Variants in UACA observed in about 807,000 individuals in gnomAD.
The protein encoded by UACA is uveal autoantigen with coiled-coil domains and ankyrin repeats.
Under a neutral mutation model 160.5 loss-of-function variants are expected in UACA, and 112 were observed. That is an observed-to-expected ratio of 0.70 (90% CI 0.60 to 0.82). UACA has a LOEUF of 0.82. Among genes scored for constraint, UACA ranks in the 40% least tolerant of loss-of-function variants. The probability of loss-of-function intolerance (pLI) is 0.00; values close to 1 mark genes in which losing one functional copy is unlikely to be tolerated. For synonymous variants in UACA, 557 were observed against 568.4 expected (o/e 0.98, Z 0.29); for missense variants, 1,574 against 1,614.6 (o/e 0.97, Z 0.43).
At chr15:70,772,492 C>CAAAAAAA in the UACA span, among the ~76,000 whole-genome samples, 5 of 49,562 alleles carry the variant, frequency 1.0e-4, no homozygotes, top group Admixed American at 2.4e-4. Context: ...GCCTCCATCT[C>CAAAAAAA]AAAAAAAAAA....
intron 5 of UACA, 33 bp from the exon 6 acceptor site, chr15:70,687,853 A>T: frequency 6.2e-7 from 1 of 1,602,054 alleles, no homozygotes; most frequent in Non-Finnish European, 8.5e-7. Flanking sequence ...ATAAATGGTG[A>T]ACATCTGTTG....
rs752630677 is a variant in UACA, at chr15:70,678,119, AAC to A, written c.977_978del (p.Gly326ValfsTer7). On this transcript the variant is annotated frameshift_variant, in exon 11 of 19. Transcript: ENST00000322954. LOFTEE classifies it high-confidence loss of function. ...EQRILLDKVN[G>X]LQLQLNEEVM... ...TTTACCTCATTCAGCTGTAACTGTA[AAC>A]CATTGACTTTATCCAAAAGTATTCT... The A allele has an allele frequency of 1.2e-6, 2 of 1,605,076 alleles. No homozygotes were observed. Among genetic ancestry groups the A allele is most frequent in the South Asian group, 2.2e-5 (2 of 89,312 alleles).
At chr15:70,721,675 C>A (rs1181715782) in intron 1 of UACA, among the ~76,000 whole-genome samples, 2 of 151,454 alleles carry the variant, frequency 1.3e-5, no homozygotes, top group Non-Finnish European at 2.9e-5. Flanking sequence ...CTTTTATTAA[C>A]CCAGCGCTTT....
At chr15:70,669,697 T>C (rs895722722) in intron 15 of UACA, among the ~76,000 whole-genome samples, 1 of 152,214 alleles carries the variant, frequency 6.6e-6, no homozygotes, top group African/African-American at 2.4e-5. Context: ...CGTAAGTCTA[T>C]TTCTGGCAGA....
At chr15:70,694,983 T>C in intron 3 of UACA, 34 bp downstream of exon 3, 1 of 1,521,928 alleles carries the variant, frequency 6.6e-7, no homozygotes, top group Non-Finnish European at 9.0e-7. Context: ...GTTTTCACTT[T>C]ATGTTTTATA....
chr15:70,671,848 T>C, intron 14 of UACA, 117 bp downstream of exon 14: 1 of 744,158 alleles, frequency 1.3e-6, no homozygotes, highest in East Asian at 3.1e-5. Context: ...GCTGATGAAG[T>C]TTAGCAGCAG....
At chr15:70,763,183 C>T in intron 1 of UACA, 147 bp downstream of exon 1, 1 of 888,656 alleles carries the variant, frequency 1.1e-6, no homozygotes, top group Non-Finnish European at 1.5e-6. Flanking sequence ...CTGACGGAGT[C>T]TCCGGCCTCA....
the UACA span, among the ~76,000 whole-genome samples, chr15:70,772,758 G>A: frequency 1.3e-5 from 2 of 152,158 alleles, no homozygotes; most frequent in East Asian, 1.9e-4. Flanking sequence ...GGAAGAAGAG[G>A]GCCAAGGGCC....
At chr15:70,749,144 CG>C (rs1566999216) in intron 1 of UACA, 1 of 390,444 alleles carries the variant, frequency 2.6e-6, no homozygotes, top group South Asian at 1.9e-5. Flanking sequence ...TGTTAACTTT[CG>C]GATCTAAGTA....
At chr15:70,709,297 C>G (rs913353127) in intron 1 of UACA, among the ~76,000 whole-genome samples, 4 of 152,182 alleles carry the variant, frequency 2.6e-5, no homozygotes, top group African/African-American at 9.6e-5. Context: ...ATTCAGAAAG[C>G]AGCAAGCCAA....
chr15:70,693,950 T>G (rs1274165978), intron 3 of UACA, among the ~76,000 whole-genome samples: 1 of 152,192 alleles, frequency 6.6e-6, no homozygotes, highest in Non-Finnish European at 1.5e-5. Context: ...TAGAATCTGA[T>G]GTATTCTTAA....
chr15:70,666,307 A>T (rs963813581), intron 16 of UACA, among the ~76,000 whole-genome samples: 1 of 152,134 alleles, frequency 6.6e-6, no homozygotes, highest in Admixed American at 6.5e-5. Context: ...ACATAAAATG[A>T]ATTGGAGGGC....
At chr15:70,769,196 A>C in the UACA span, among the ~76,000 whole-genome samples, 1 of 151,966 alleles carries the variant, frequency 6.6e-6, no homozygotes, top group Non-Finnish European at 1.5e-5. Context: ...ATCTCTACTA[A>C]AAATACAAAA....
intron 2 of UACA, among the ~76,000 whole-genome samples, chr15:70,697,723 A>G (rs1898180375): frequency 6.6e-6 from 1 of 152,220 alleles, no homozygotes; most frequent in Non-Finnish European, 1.5e-5. Flanking sequence ...TGAGTAAAAA[A>G]AGGGAAATAC....
intron 1 of UACA, among the ~76,000 whole-genome samples, chr15:70,736,791 A>G (rs1303114129): frequency 1.3e-5 from 2 of 152,166 alleles, no homozygotes; most frequent in Non-Finnish European, 2.9e-5. Flanking sequence ...TGGAACTTAA[A>G]GTTCAACAAA....
chr15:70,740,368 C>T (rs2141001598), intron 1 of UACA, among the ~76,000 whole-genome samples: 1 of 151,872 alleles, frequency 6.6e-6, no homozygotes, highest in African/African-American at 2.4e-5. Context: ...AATCCCAGAA[C>T]TTTGGGAGGC....
In UACA at chr15:70,682,774, C is replaced by T; in HGVS notation, c.806G>A (p.Gly269Glu). The change falls in exon 9 of 19, where the codon GGG (glycine) becomes GAG (glutamate). Residue 269 changes from glycine to glutamate, a missense_variant. Coordinates refer to ENST00000322954, the MANE Select transcript of UACA (RefSeq NM_018003.4). ...TNKGRELWKK[G>E]PSLQQRNLTH... Reference sequence around the variant, plus strand: ...AATATCTACCTGTTGCAAAGATGGCCCTTTCTTCCAAAGTTCTCTCCCTAA... The same window carrying T: ...AATATCTACCTGTTGCAAAGATGGCTCTTTCTTCCAAAGTTCTCTCCCTAA... 1.3e-6 allele frequency: 2 copies of T among 1,562,080 alleles called. No homozygotes were observed. The highest frequency in any genetic ancestry group is 1.7e-6 in the Non-Finnish European group (2 of 1,155,724).
chr15:70,658,629 T>G (rs192459946), intron 18 of UACA, among the ~76,000 whole-genome samples: 39 of 152,314 alleles, frequency 2.6e-4, no homozygotes, highest in African/African-American at 9.4e-4. Flanking sequence ...AAAAATACTT[T>G]AAACTTAAAA....
chr15:70,700,236 A>AC (rs66634505), intron 1 of UACA, among the ~76,000 whole-genome samples: 16,698 of 140,164 alleles, frequency 0.12, 1,109 homozygotes, highest in African/African-American at 0.19. Context: ...TTAAGAAACT[A>AC]CCCCCCCCCA....
Sources: allele counts gnomAD v4.1 joint callset (sites outside exome capture counted in the v4.1 genomes callset), GRCh38; gene constraint gnomAD v4.1.1; transcripts MANE v1.5; gene names NCBI Gene and HGNC (gene_info 2026-07-23, HGNC 2026-07-21).